The following RAD54L2 variants were observed in gnomAD, a reference collection of about 807,000 sequenced individuals.
The protein encoded by RAD54L2 is helicase ARIP4.
A neutral mutation model predicts 138.4 loss-of-function variants in RAD54L2; 27 were observed. The ratio of observed to expected loss-of-function variants is 0.20; its 90% CI spans 0.14 to 0.27. RAD54L2 has a LOEUF of 0.27. Among genes scored for constraint, RAD54L2 ranks in the 10% least tolerant of loss-of-function variants. The pLI is 1.00. For missense variants in RAD54L2, 1,396 were observed against 1,890.2 expected (o/e 0.74, Z 4.85); for synonymous variants, 644 against 723.2 (o/e 0.89, Z 1.76).
intron 5 of RAD54L2, among the ~76,000 whole-genome samples, chr3:51,629,720 G>A (rs935763810): frequency 5.9e-5 from 9 of 152,030 alleles, no homozygotes; most frequent in African/African-American, 2.2e-4. Context: ...AAAATTAGCC[G>A]GGCGTGGTGG....
intron 3 of RAD54L2, among the ~76,000 whole-genome samples, chr3:51,619,515 A>G (rs1273652777): frequency 1.2e-4 from 18 of 148,588 alleles, no homozygotes; most frequent in Admixed American, 1.0e-3. Context: ...CCAGTTTCCT[A>G]TAACATTTTC....
Position 51,637,374 on chromosome 3 carries a change from A to C in RAD54L2, c.1553A>C (p.Gln518Pro). ...CGCCCAGACTTCCTTGGCACCCGGC[A>C]GGAGTTCAGCAACATGTTTGAACGC... ...FVRPDFLGTRQEFSNMFERPI... is the reference protein window; with the variant it reads ...FVRPDFLGTRPEFSNMFERPI... The change falls in exon 11 of 23, where the codon CAG (glutamine) becomes CCG (proline). Residue 518 changes from glutamine to proline, a missense_variant. Coordinates refer to ENST00000684192, the MANE Select transcript of RAD54L2 (RefSeq NM_015106.4). The surrounding 1 kb of genome is among the most constrained non-coding windows in gnomAD (Gnocchi z 5.9). 1 of 1,613,828 alleles carries C rather than the reference A, an allele frequency of 6.2e-7. No homozygotes were observed. The highest frequency in any genetic ancestry group is 8.5e-7 in the Non-Finnish European group (1 of 1,179,848).
intron 6 of RAD54L2, 100 bp downstream of exon 6, chr3:51,630,488 G>A (rs1375172887): frequency 3.3e-6 from 4 of 1,204,210 alleles, no homozygotes; most frequent in Admixed American, 2.1e-5. Context: ...TTCAATTTGG[G>A]ATGTGGCTTT....
chr3:51,632,560 G>A (rs373367221), intron 7 of RAD54L2, among the ~76,000 whole-genome samples: 1 of 148,050 alleles, frequency 6.8e-6, no homozygotes, highest in Admixed American at 6.7e-5. Context: ...CTCCCAAAGC[G>A]CCAGGATTAC....
chr3:51,605,976 G>A (rs562342025), intron 3 of RAD54L2, among the ~76,000 whole-genome samples: 4 of 152,238 alleles, frequency 2.6e-5, no homozygotes, highest in South Asian at 4.1e-4. Context: ...TTAGAATTAA[G>A]TCATTCGTAA....
At chr3:51,648,556 T>G (rs571055909) in intron 19 of RAD54L2, among the ~76,000 whole-genome samples, 1 of 152,204 alleles carries the variant, frequency 6.6e-6, no homozygotes, top group African/African-American at 2.4e-5. Flanking sequence ...AGGGGCCGAC[T>G]GACACCTCAT....
intron 19 of RAD54L2, among the ~76,000 whole-genome samples, chr3:51,651,264 C>A (rs1046358467): frequency 6.6e-6 from 1 of 152,068 alleles, no homozygotes. Flanking sequence ...AATAGACCAA[C>A]AACAGGCTCT....
In RAD54L2 at chr3:51,667,561, A is replaced by G. The variant is rs1208729288; in HGVS notation, c.*4141A>G. On this transcript the variant is annotated 3_prime_UTR_variant, in exon 23 of 23. Coordinates refer to ENST00000684192, the MANE Select transcript of RAD54L2 (RefSeq NM_015106.4). Reference sequence around the variant, plus strand: ...GCTCTTCACCCCTAAAACTAAGTGAAGTCATCCTTCCCCAAAAGGACCCCT... The same window carrying G: ...GCTCTTCACCCCTAAAACTAAGTGAGGTCATCCTTCCCCAAAAGGACCCCT... 1 of 152,266 alleles carries G rather than the reference A, an allele frequency of 6.6e-6. No homozygotes were observed. Among genetic ancestry groups the G allele is most frequent in the Non-Finnish European group, 1.5e-5 (1 of 68,098 alleles). The allele number at this position is 152,266 out of a possible 1,614,324, so 9.4% of individuals were successfully genotyped here.
At chr3:51,648,630 T>A (rs1003016184) in intron 19 of RAD54L2, among the ~76,000 whole-genome samples, 1 of 152,178 alleles carries the variant, frequency 6.6e-6, no homozygotes, top group Non-Finnish European at 1.5e-5. Context: ...TATTTGCTGT[T>A]CTGCAGCCTC....
At chr3:51,609,995 G>A (rs2106755993) in intron 3 of RAD54L2, among the ~76,000 whole-genome samples, 2 of 151,656 alleles carry the variant, frequency 1.3e-5, no homozygotes, top group East Asian at 3.9e-4. Flanking sequence ...AATTAGCCGG[G>A]CGTGGCGGCA....
chr3:51,583,586 ATTTT>A (rs34377858), intron 2 of RAD54L2, among the ~76,000 whole-genome samples: 1 of 132,054 alleles, frequency 7.6e-6, no homozygotes, highest in Non-Finnish European at 1.6e-5. Context: ...CGCCCAGCTA[ATTTT>A]TTTTTTTTTT....
intron 7 of RAD54L2, 101 bp downstream of exon 7, chr3:51,631,032 T>C: frequency 8.3e-7 from 1 of 1,204,188 alleles, no homozygotes; most frequent in Non-Finnish European, 1.2e-6. Flanking sequence ...GAAGTACTTG[T>C]TTGGTACCAA....
At chr3:51,596,586 G>C (rs1699967633) in intron 3 of RAD54L2, among the ~76,000 whole-genome samples, 1 of 152,222 alleles carries the variant, frequency 6.6e-6, no homozygotes, top group African/African-American at 2.4e-5. Flanking sequence ...CTATTTTCTA[G>C]ATATATGTAA....
intron 2 of RAD54L2, among the ~76,000 whole-genome samples, chr3:51,559,127 G>A (rs778909313): frequency 6.6e-6 from 1 of 150,392 alleles, no homozygotes; most frequent in Non-Finnish European, 1.5e-5. Flanking sequence ...CACCATCCTC[G>A]GCCTCCCAAA....
At chr3:51,577,419 C>G (rs1240951204) in intron 2 of RAD54L2, among the ~76,000 whole-genome samples, 1 of 152,006 alleles carries the variant, frequency 6.6e-6, no homozygotes, top group Non-Finnish European at 1.5e-5. Flanking sequence ...TCTGTCTCGT[C>G]GATCTGTCTA....
At chr3:51,541,866 A>G (rs1290397559) in intron 2 of RAD54L2, 5 of 152,234 alleles carry the variant, frequency 3.3e-5, no homozygotes, top group African/African-American at 1.2e-4. Context: ...GAATTCTTCA[A>G]AATAGCTCTC....
chr3:51,630,886 T>C lies in RAD54L2; in HGVS notation c.780T>C (p.Asn260=). The change falls in exon 7 of 23, where the codon AAT becomes AAC. Residue 260 remains asparagine, a synonymous_variant. Coordinates refer to ENST00000684192, the MANE Select transcript of RAD54L2 (RefSeq NM_015106.4). ...VNLNHPPEEE[N]VFLAPQLARA... is the part of the protein sequence containing the mutation. ...TAAACCACCCTCCAGAGGAGGAAAA[T>C]GTCTTCCTTGCCCCACAGTTGGCAC... The C allele has an allele frequency of 6.2e-7, 1 of 1,613,928 alleles. No homozygotes were observed. The highest frequency in any genetic ancestry group is 8.5e-7 in the Non-Finnish European group (1 of 1,179,870).
intron 19 of RAD54L2, among the ~76,000 whole-genome samples, chr3:51,652,140 A>G (rs918317785): frequency 6.6e-6 from 1 of 152,140 alleles, no homozygotes; most frequent in African/African-American, 2.4e-5. Flanking sequence ...CTATACACCA[A>G]TAACAGACAG....
chr3:51,612,986 C>T (rs1035632273), intron 3 of RAD54L2, among the ~76,000 whole-genome samples: 2 of 152,124 alleles, frequency 1.3e-5, no homozygotes, highest in Admixed American at 1.3e-4. Context: ...GTTGCCCGGG[C>T]TGGAGTGTGG....
Sources: allele counts gnomAD v4.1 joint callset (sites outside exome capture counted in the v4.1 genomes callset), GRCh38; gene constraint gnomAD v4.1.1; non-coding constraint Gnocchi (gnomAD v3.1); transcripts MANE v1.5; gene names NCBI Gene and HGNC (gene_info 2026-07-23, HGNC 2026-07-21).